Variants in GGCX observed in about 807,000 individuals in gnomAD.
The protein encoded by GGCX is vitamin K-dependent gamma-carboxylase.
Under a neutral mutation model 88.5 loss-of-function variants are expected in GGCX, and 63 were observed. The observed-to-expected ratio is 0.71, with a 90% CI of 0.58 to 0.88. GGCX has a LOEUF of 0.88. Among genes scored for constraint, GGCX ranks in the 40% least tolerant of loss-of-function variants. The probability of loss-of-function intolerance (pLI) is 0.00; values close to 1 mark genes in which losing one functional copy is unlikely to be tolerated. For synonymous variants in GGCX, 368 were observed against 365.8 expected, an observed-to-expected ratio of 1.01 and a Z score of -0.07; for missense variants, 805 against 932.9, an observed-to-expected ratio of 0.86 and a Z score of 1.79.
chr2:85,561,385 C>G lies in GGCX; in HGVS notation c.43+1G>C. On this transcript the variant is annotated splice_donor_variant, in intron 1 of 14. Coordinates refer to ENST00000233838, the MANE Select transcript of GGCX (RefSeq NM_000821.7). LOFTEE classifies it high-confidence loss of function. ...GCCGGAGGGCGGGGTCCTAAGCCTA[C>G]CTGAGCTGGGCGAGGTCCGCGCGGA... The G allele has an allele frequency of 3.2e-6, 5 of 1,567,566 alleles. No homozygotes were observed. The highest frequency in any genetic ancestry group is 4.3e-6 in the Non-Finnish European group (5 of 1,155,622).
At chr2:85,553,193 A>G (rs746799657) in intron 8 of GGCX, 39 bp downstream of exon 8, 40 of 1,613,646 alleles carry the variant, frequency 2.5e-5, no homozygotes, top group Admixed American at 2.3e-4. Context: ...TTCCTTTCTA[A>G]GTCCAGCCTT....
chr2:85,554,912 G>A, intron 6 of GGCX: 2 of 171,794 alleles, frequency 1.2e-5, no homozygotes, highest in South Asian at 2.7e-4. Context: ...TCATGAGTGA[G>A]AGGACACTTT....
Position 85,550,756 on chromosome 2 carries a change from C to T in GGCX, c.1889-6G>A, listed in dbSNP as rs527966040. 19 of 1,612,892 alleles carry T rather than the reference C, an allele frequency of 1.2e-5. No individual in the cohort carries two copies. The highest frequency in any genetic ancestry group is 1.6e-5 in the Non-Finnish European group (19 of 1,179,742). ...TGGGGGTAGAGGCCCTGTTTCTGCC[C>T]GGAAGACAGAAAAAAGAGGAATCAC... On this transcript the variant is annotated splice_region_variant and splice_polypyrimidine_tract_variant and intron_variant, in intron 13 of 14. Transcript: ENST00000233838.
intron 1 of GGCX, 130 bp from the exon 2 acceptor site, chr2:85,561,115 G>C: frequency 1.3e-6 from 1 of 799,204 alleles, no homozygotes; most frequent in Admixed American, 1.8e-5. Context: ...TCAATGATCT[G>C]ACTATAGGAA....
intron 10 of GGCX, 32 bp downstream of exon 10, chr2:85,552,384 A>AT: frequency 6.2e-7 from 1 of 1,604,090 alleles, no homozygotes; most frequent in Non-Finnish European, 8.5e-7. Flanking sequence ...ACTGTGCTTC[A>AT]TTTTTTCCCA....
rs752866660 is a variant in GGCX, at chr2:85,547,787, C to G, written c.*2147G>C. 6.6e-6 allele frequency: 1 copy of G among 152,236 alleles called. No homozygotes were observed. Among genetic ancestry groups the G allele is most frequent in the African/African-American group, 2.4e-5 (1 of 41,444 alleles). The allele number at this position is 152,236 out of a possible 1,614,324, so 9.4% of individuals were successfully genotyped here. On this transcript the variant is annotated 3_prime_UTR_variant, in exon 15 of 15. Transcript: ENST00000233838. The stretch of plus-strand genomic sequence containing the variant: ...GATTTTCCACCAAACTCCATTTGGC[C>G]TCCTCAGTGGTGGGGGAGGGTGGCA...
rs770505135 is a variant in GGCX at position 85,560,986 on chromosome 2, C to T, written c.44-1G>A. 2 of 1,611,902 alleles carry T rather than the reference C, an allele frequency of 1.2e-6. No homozygotes were observed. The highest frequency in any genetic ancestry group is 1.7e-5 in the Admixed American group (1 of 60,008). On this transcript the variant is annotated splice_acceptor_variant, in intron 1 of 14. Coordinates refer to ENST00000233838, the MANE Select transcript of GGCX (RefSeq NM_000821.7). LOFTEE classifies it high-confidence loss of function. ...TCAGCCTTGTCTTTCTGTACTTTAT[C>T]TGCAATCAATAAATGGAGAAAATAT...
chr2:85,550,902 A>T (rs985431906), intron 13 of GGCX, 23 bp downstream of exon 13: 2 of 1,613,026 alleles, frequency 1.2e-6, no homozygotes, highest in Non-Finnish European at 1.7e-6. Flanking sequence ...AGGCTATCTC[A>T]GCCCAAATGT....
At chr2:85,552,308 G>C (rs1691997688) in intron 10 of GGCX, 108 bp downstream of exon 10, 4 of 1,118,612 alleles carry the variant, frequency 3.6e-6, no homozygotes, top group Non-Finnish European at 5.5e-6. Flanking sequence ...ACATGCACTA[G>C]AGGAAGGACA....
rs1039774117 is a variant in GGCX, at chr2:85,547,577, A to C, written c.*2357T>G. On this transcript the variant is annotated 3_prime_UTR_variant, in exon 15 of 15. Transcript: ENST00000233838. ...AGTAACTCTTGGGACTTTTGTTACC[A>C]GTCAAGTAGGTACAGTGAGTTTGGC... The C allele has an allele frequency of 6.6e-5, 10 of 152,232 alleles. No homozygotes were observed. Among genetic ancestry groups the C allele is most frequent in the African/African-American group, 2.4e-4 (10 of 41,448 alleles). The allele number at this position is 152,232 out of a possible 1,614,324, so 9.4% of individuals were successfully genotyped here. A position where few individuals can be genotyped will look rare whatever the true frequency, so the allele number is the denominator to read the frequency against.
chr2:85,552,578 C>T lies in GGCX; in HGVS notation c.1288-11G>A. 1 of 1,612,184 alleles carries T rather than the reference C, an allele frequency of 6.2e-7. No individual in the cohort carries two copies. Among genetic ancestry groups the T allele is most frequent in the Non-Finnish European group, 8.5e-7 (1 of 1,179,134 alleles). Reference sequence around the variant, plus strand: ...ACTCTGTGTAAATACCTGCCCCAAACCCCCATATTAGTCCCACCTCATCAT... The same window carrying T: ...ACTCTGTGTAAATACCTGCCCCAAATCCCCATATTAGTCCCACCTCATCAT... On this transcript the variant is annotated splice_polypyrimidine_tract_variant and intron_variant, in intron 9 of 14. Transcript: ENST00000233838.
intron 9 of GGCX, 49 bp from the exon 10 acceptor site, chr2:85,552,616 A>G: frequency 6.4e-7 from 1 of 1,563,152 alleles, no homozygotes. Context: ...TCAACTTCCA[A>G]GACATGTCAT....
Position 85,554,228 on chromosome 2 carries a change from GA to G in GGCX, c.803del (p.Phe268SerfsTer22), listed in dbSNP as rs764550518. The stretch of plus-strand genomic sequence containing the variant: ...ATCTTGAGACATCAAAAAAGAGCAG[GA>G]AACCAGCTGAGAGGTCAAGCAGCAG... ...GGLLLDLSAG[F>X]LLFFDVSRSI... On this transcript the variant is annotated frameshift_variant, in exon 7 of 15. Coordinates refer to ENST00000233838, the MANE Select transcript of GGCX (RefSeq NM_000821.7). LOFTEE classifies it high-confidence loss of function. 6.2e-7 allele frequency: 1 copy of G among 1,613,564 alleles called. No homozygotes were observed. The highest frequency in any genetic ancestry group is 1.1e-5 in the South Asian group (1 of 91,076).
chr2:85,554,296 A>G lies in GGCX; in HGVS notation c.736T>C (p.Ser246Pro), dbSNP rs1250088678. The G allele has an allele frequency of 6.2e-7, 1 of 1,613,790 alleles. No homozygotes were observed. The highest frequency in any genetic ancestry group is 8.5e-7 in the Non-Finnish European group (1 of 1,179,898). The part of the protein sequence containing the change: ...WLFSPFKLLL[S>P]EELTSLLVVH... ...ACCAGCAGGCTAGTCAGCTCCTCAG[A>G]CAACAGCAGTCTGCAAACACATGGA... Residue 246 changes from serine (S) to proline (P), a missense_variant, in exon 7 of 15, where the codon TCT (serine) becomes CCT (proline). Physicochemically the swap from Ser to Pro is moderately conservative, Grantham distance 74 (BLOSUM62 -1). This residue lies in a region of GGCX where 680 missense variants were observed against 763.7 expected (regional missense o/e 0.89). Transcript: ENST00000233838.
Position 85,549,920 on chromosome 2 carries a change from A to G in GGCX, c.*14T>C, listed in dbSNP as rs1415115627. On this transcript the variant is annotated 3_prime_UTR_variant, in exon 15 of 15. Coordinates refer to ENST00000233838, the MANE Select transcript of GGCX (RefSeq NM_000821.7). ...CTGGCTGCTTCTACATCTGCACCCA[A>G]CATCTGGCCCCCTTCAGAACTCTGA... The G allele has an allele frequency of 1.9e-6, 3 of 1,584,862 alleles. No homozygotes were observed. Among genetic ancestry groups the G allele is most frequent in the African/African-American group, 2.7e-5 (2 of 74,264 alleles).
At chr2:85,552,133 G>C in intron 10 of GGCX, 152 bp from the exon 11 acceptor site, 1 of 732,970 alleles carries the variant, frequency 1.4e-6, no homozygotes, top group Non-Finnish European at 2.4e-6. Flanking sequence ...GGCAGAGAAA[G>C]AAGGCAGAAG....
In GGCX at chr2:85,552,536, T is replaced by C. The variant is rs1420287148; in HGVS notation, c.1319A>G (p.His440Arg). Reference sequence around the variant, plus strand: ...GGCATATTGCTTCAGCATGTCTGCATGATCCTTCCATCGCCGACTCTGTGT... The same window carrying C: ...GGCATATTGCTTCAGCATGTCTGCACGATCCTTCCATCGCCGACTCTGTGT... ...VFTQSRRWKD[H>R]ADMLKQYATC... Residue 440 changes from histidine to arginine, a missense_variant, in exon 10 of 15, where the codon CAT (histidine) becomes CGT (arginine). Physicochemically the swap from His to Arg is conservative, Grantham distance 29. Transcript: ENST00000233838. 6.2e-7 allele frequency: 1 copy of C among 1,613,958 alleles called. No individual in the cohort carries two copies. The highest frequency in any genetic ancestry group is 1.1e-5 in the South Asian group (1 of 91,068).
At position 85,547,155 on chromosome 2, in the gene GGCX, T is replaced by G. The variant is rs1444235871; in HGVS notation, c.*2779A>C. The G allele has an allele frequency of 2.0e-5, 3 of 152,200 alleles. No individual in the cohort carries two copies. The highest frequency in any genetic ancestry group is 4.4e-5 in the Non-Finnish European group (3 of 68,050). 9.4% of individuals were successfully genotyped at this position (152,200 alleles called of 1,614,324 possible). A position where few individuals can be genotyped will look rare whatever the true frequency, so the allele number is the denominator to read the frequency against. On this transcript the variant is annotated 3_prime_UTR_variant, in exon 15 of 15. Transcript: ENST00000233838. ...AACAGCAGGGGATGATAAGGGTGAT[T>G]ATAGTTTAGAAAGCATGAAAGTATG...
In GGCX at chr2:85,550,005, G is replaced by T. The variant is rs776188016; in HGVS notation, c.2206C>A (p.Pro736Thr). 5.6e-6 allele frequency: 9 copies of T among 1,612,708 alleles called. No homozygotes were observed. Among genetic ancestry groups the T allele is most frequent in the Non-Finnish European group, 6.8e-6 (8 of 1,178,966 alleles). ...GAATGTGAAGAATCCGTGTTTGAGG[G>T]ATTCAGTTCTCCAACTGCCTCAAAG... Reference protein sequence around the residue: ...RPFEAVGELNPSNTDSSHSNP... With the variant: ...RPFEAVGELNTSNTDSSHSNP... Residue 736 changes from proline to threonine, a missense_variant, in exon 15 of 15, where the codon CCC becomes ACC. Transcript: ENST00000233838.
Sources: gnomAD v4.1 joint callset for allele counts on GRCh38, gnomAD v4.1.1 for gene constraint, gnomAD v4.1.1 regional missense constraint, MANE v1.5 for transcripts, NCBI Gene and HGNC (gene_info 2026-07-23, HGNC 2026-07-21) for gene names.